Variants in SPECC1 observed in about 807,000 individuals in gnomAD.
SPECC1 encodes the protein sperm antigen with calponin homology and coiled-coil domains 1.
A neutral mutation model predicts 104.1 loss-of-function variants in SPECC1; 62 were observed. The ratio of observed to expected loss-of-function variants is 0.60; its 90% CI spans 0.49 to 0.74. The LOEUF (loss-of-function observed/expected upper bound fraction) is 0.74. Among genes scored for constraint, SPECC1 ranks in the 30% least tolerant of loss-of-function variants. The pLI is 0.00. For synonymous variants in SPECC1, 513 were observed against 501.6 expected, an observed-to-expected ratio of 1.02 and a Z score of -0.30; for missense variants, 1,306 against 1,310.5, an observed-to-expected ratio of 1.00 and a Z score of 0.05.
chr17:20,086,829 T>A (rs9911879), intron 1 of SPECC1, among the ~76,000 whole-genome samples: 19,524 of 152,138 alleles, frequency 0.13, 1,257 homozygotes, highest in African/African-American at 0.14. Flanking sequence ...CACGGAAGCA[T>A]GTTGGTAGAG....
intron 1 of SPECC1, among the ~76,000 whole-genome samples, chr17:20,045,369 A>G (rs897978666): frequency 6.6e-6 from 1 of 152,222 alleles, no homozygotes; most frequent in African/African-American, 2.4e-5. Flanking sequence ...TATTATAAAC[A>G]ATGCTGCAGT....
chr17:20,054,618 C>T (rs1294594926), intron 1 of SPECC1, among the ~76,000 whole-genome samples: 1 of 152,092 alleles, frequency 6.6e-6, no homozygotes, highest in Non-Finnish European at 1.5e-5. Context: ...CTGTTCATCT[C>T]TTTTTTGTTG....
intron 7 of SPECC1, among the ~76,000 whole-genome samples, chr17:20,244,924 G>A (rs2039356813): frequency 6.6e-6 from 1 of 152,186 alleles, no homozygotes; most frequent in Admixed American, 6.5e-5. Context: ...ATATGAGGAA[G>A]CCATGCATTG....
rs1387377161 is a variant in SPECC1, at chr17:20,205,771, G to A, written c.1722G>A (p.Thr574=). 4 of 1,614,170 alleles carry A rather than the reference G, an allele frequency of 2.5e-6. No individual in the cohort carries two copies. In the African/African-American group the frequency reaches 4.0e-5, roughly 16 times the overall value. Residue 574 remains threonine (T), a synonymous_variant, in exon 4 of 15, where the codon ACG becomes ACA. Transcript: ENST00000395527. ...KATEASAVEQ[T]AESCEVQEML... Reference sequence around the variant, plus strand: ...CAGAGGCCAGTGCTGTGGAGCAGACGGCAGAGAGCTGCGAAGTTCAAGAAA... The same window carrying A: ...CAGAGGCCAGTGCTGTGGAGCAGACAGCAGAGAGCTGCGAAGTTCAAGAAA...
Position 20,260,226 on chromosome 17 carries a change from C to T in SPECC1, c.2872C>T (p.Arg958Trp), listed in dbSNP as rs1378643770. 3.7e-6 allele frequency: 6 copies of T among 1,613,760 alleles called. No homozygotes were observed. The highest frequency in any genetic ancestry group is 1.3e-5 in the African/African-American group (1 of 74,906). ...ERKDPLAALA[R>W]EYGGSKRNAL... ...AAAAGACCCTCTGGCAGCCTTGGCCCGGGAATACGGTGGTTCCAAGCGCAA... is the reference window on the plus strand; with the variant it reads ...AAAAGACCCTCTGGCAGCCTTGGCCTGGGAATACGGTGGTTCCAAGCGCAA... Residue 958 changes from arginine to tryptophan, a missense_variant, in exon 12 of 15, where the codon CGG becomes TGG. Around this residue, in one of 2 missense-constraint regions of SPECC1, gnomAD observed 129 missense variants for 170.6 expected, o/e 0.76. Coordinates refer to ENST00000395527, the MANE Select transcript of SPECC1 (RefSeq NM_001243439.2).
At chr17:20,102,171 A>T (rs763697099) in intron 2 of SPECC1, among the ~76,000 whole-genome samples, 1 of 152,246 alleles carries the variant, frequency 6.6e-6, no homozygotes, top group Non-Finnish European at 1.5e-5. Context: ...GAGAAGGAGC[A>T]AGAATTAGTA....
At chr17:20,279,985 C>T (rs1272071024) in intron 12 of SPECC1, among the ~76,000 whole-genome samples, 2 of 152,162 alleles carry the variant, frequency 1.3e-5, no homozygotes, top group African/African-American at 4.8e-5. Flanking sequence ...GGTGGAGGAA[C>T]ATAGTCGCAT....
At chr17:20,237,094 G>A (rs1020116166) in intron 7 of SPECC1, 7 of 1,412,960 alleles carry the variant, frequency 5.0e-6, no homozygotes, top group East Asian at 2.6e-5. Context: ...CATGATCAAA[G>A]ATGATGTTTC....
At chr17:20,133,927 A>G (rs1344795957) in intron 3 of SPECC1, among the ~76,000 whole-genome samples, 7 of 152,152 alleles carry the variant, frequency 4.6e-5, no homozygotes, top group African/African-American at 1.7e-4. Context: ...TTTCAAGGAC[A>G]AGGAAAAGAG....
At chr17:20,185,572 C>A (rs550504223) in intron 3 of SPECC1, among the ~76,000 whole-genome samples, 1 of 152,142 alleles carries the variant, frequency 6.6e-6, no homozygotes, top group Non-Finnish European at 1.5e-5. Context: ...AATTCCTGAC[C>A]GGCAAAATGA....
chr17:20,232,544 C>T (rs1850225095), intron 7 of SPECC1, 139 bp downstream of exon 7: 5 of 932,780 alleles, frequency 5.4e-6, no homozygotes, highest in Non-Finnish European at 7.9e-6. Flanking sequence ...CTAGCACCAC[C>T]TTACCACTAG....
At chr17:20,271,126 G>A (rs1423152981) in intron 12 of SPECC1, among the ~76,000 whole-genome samples, 4 of 151,828 alleles carry the variant, frequency 2.6e-5, no homozygotes, top group African/African-American at 9.7e-5. Flanking sequence ...AATCAGGTAT[G>A]CAGAGATCCT....
intron 3 of SPECC1, among the ~76,000 whole-genome samples, chr17:20,177,237 G>A (rs559321196): frequency 6.6e-6 from 1 of 152,320 alleles, no homozygotes; most frequent in East Asian, 1.9e-4. Flanking sequence ...AGGGTATATT[G>A]AGGAGAGTGG....
At chr17:20,204,008 G>A (rs1026544017) in intron 3 of SPECC1, among the ~76,000 whole-genome samples, 8 of 152,190 alleles carry the variant, frequency 5.3e-5, no homozygotes, top group African/African-American at 9.7e-5. Flanking sequence ...CTCTGGTCCC[G>A]TGGTGTTTAA....
In SPECC1 at chr17:20,194,502, A is replaced by ATTATTATTATTTTTTTTTTTT; in HGVS notation, c.284-9829_284-9828insATTATTATTTTTTTTTTTTTT. The stretch of plus-strand genomic sequence containing the variant: ...TGTGTTCTGTTAGAAAAGAGAACGA[A>ATTATTATTATTTTTTTTTTTT]TTTTTTTTTTTTTTTTTTTTTTTGA... On this transcript the variant is annotated intron_variant, in intron 3 of 14. Coordinates refer to ENST00000395527, the MANE Select transcript of SPECC1 (RefSeq NM_001243439.2). Among the ~76,000 whole-genome samples the ATTATTATTATTTTTTTTTTTT allele has an allele frequency of 1.2e-4, 10 of 86,536 alleles. 1 individual carries two copies. In the South Asian group the frequency reaches 2.5e-3, roughly 22 times the overall value. The allele number at this position is 86,536 out of a possible 152,430, so 56.8% of individuals were successfully genotyped here.
At chr17:20,118,949 A>G (rs774929984) in intron 3 of SPECC1, among the ~76,000 whole-genome samples, 4 of 152,278 alleles carry the variant, frequency 2.6e-5, no homozygotes, top group South Asian at 2.1e-4. Flanking sequence ...ATTCTAGGAA[A>G]AGACCTTGGT....
chr17:20,306,671 A>G (rs1373730827), intron 14 of SPECC1, among the ~76,000 whole-genome samples: 1 of 152,232 alleles, frequency 6.6e-6, no homozygotes, highest in Non-Finnish European at 1.5e-5. Flanking sequence ...CAGAGAGAGG[A>G]AAAGGAGAGA....
At chr17:20,135,721 G>A (rs1181272774) in intron 3 of SPECC1, among the ~76,000 whole-genome samples, 1 of 152,096 alleles carries the variant, frequency 6.6e-6, no homozygotes, top group Non-Finnish European at 1.5e-5. Flanking sequence ...TACAGTGCTG[G>A]GACTACAGGT....
At chr17:20,019,710 A>G (rs1041078359) in intron 1 of SPECC1, among the ~76,000 whole-genome samples, 41 of 152,234 alleles carry the variant, frequency 2.7e-4, no homozygotes, top group African/African-American at 8.9e-4. Flanking sequence ...TTAATTAGCC[A>G]TATACAGATG....
Sources: gnomAD v4.1 joint callset for allele counts (sites outside exome capture counted in the v4.1 genomes callset) on GRCh38, gnomAD v4.1.1 for gene constraint, gnomAD v4.1.1 regional missense constraint, MANE v1.5 for transcripts, NCBI Gene and HGNC (gene_info 2026-07-23, HGNC 2026-07-21) for gene names.